EEFSEC: variants seen among roughly 807,000 people sequenced by gnomAD.
The protein encoded by EEFSEC is eukaryotic elongation factor, selenocysteine-tRNA specific.
Under a neutral mutation model 42.1 loss-of-function variants are expected in EEFSEC, and 43 were observed. The observed-to-expected ratio is 1.02, with a 90% CI of 0.80 to 1.32. The LOEUF (loss-of-function observed/expected upper bound fraction) is 1.32, where lower values mean the gene tolerates loss of function less well. Ranked by LOEUF, EEFSEC falls within the 40% of genes most tolerant of loss-of-function variation. EEFSEC has a pLI of 0.00. For missense variants in EEFSEC, 745 were observed against 803.6 expected, an observed-to-expected ratio of 0.93 and a Z score of 0.88; for synonymous variants, 354 against 339.1, an observed-to-expected ratio of 1.04 and a Z score of -0.48.
chr3:128,245,361 G>A (rs2066116318), intron 1 of EEFSEC, among the ~76,000 whole-genome samples: 1 of 152,230 alleles, frequency 6.6e-6, no homozygotes, highest in African/African-American at 2.4e-5. Flanking sequence ...AGATGATAGA[G>A]TCAGTGTCCA....
intron 1 of EEFSEC, among the ~76,000 whole-genome samples, chr3:128,187,039 A>G (rs115717667): frequency 6.6e-6 from 1 of 152,332 alleles, no homozygotes; most frequent in African/African-American, 2.4e-5. Context: ...CAGACTGATA[A>G]TGCCATTACA....
intron 6 of EEFSEC, among the ~76,000 whole-genome samples, chr3:128,393,953 G>A (rs78268957): frequency 1.1e-4 from 17 of 152,054 alleles, no homozygotes; most frequent in Admixed American, 6.5e-4. Context: ...TGGGTGACAC[G>A]TGTGCAGCAG....
intron 6 of EEFSEC, among the ~76,000 whole-genome samples, chr3:128,407,549 C>T (rs1325929287): frequency 6.6e-6 from 1 of 152,168 alleles, no homozygotes; most frequent in Non-Finnish European, 1.5e-5. Flanking sequence ...GGGGTGAAGG[C>T]AGCCCAGGTC....
At chr3:128,341,022 T>G (rs368507354) in intron 4 of EEFSEC, among the ~76,000 whole-genome samples, 1 of 152,220 alleles carries the variant, frequency 6.6e-6, no homozygotes, top group Non-Finnish European at 1.5e-5. Context: ...GCCCTGGCCC[T>G]GCTTTGCTGG....
At chr3:128,275,006 T>C (rs752072161) in intron 4 of EEFSEC, among the ~76,000 whole-genome samples, 1 of 152,212 alleles carries the variant, frequency 6.6e-6, no homozygotes, top group Non-Finnish European at 1.5e-5. Flanking sequence ...GGATGCGGGC[T>C]TGCTGGGCTT....
chr3:128,410,819 C>G (rs145815165), downstream of EEFSEC, among the ~76,000 whole-genome samples: 1 of 152,304 alleles, frequency 6.6e-6, no homozygotes, highest in East Asian at 1.9e-4. Context: ...TCCAGGAACT[C>G]TGTGCAGGCG....
the EEFSEC span, among the ~76,000 whole-genome samples, chr3:128,422,897 G>A: frequency 6.6e-6 from 1 of 152,212 alleles, no homozygotes; most frequent in African/African-American, 2.4e-5. Flanking sequence ...ACTGGGTAAT[G>A]AAGAGGTCAT....
chr3:128,350,777 C>T (rs1290572323), intron 5 of EEFSEC, among the ~76,000 whole-genome samples: 1 of 152,144 alleles, frequency 6.6e-6, no homozygotes, highest in African/African-American at 2.4e-5. Context: ...AGTCACTCTC[C>T]CCCAGAACCT....
chr3:128,421,362 G>T, the EEFSEC span, among the ~76,000 whole-genome samples: 5,203 of 152,276 alleles, frequency 0.034, 139 homozygotes, highest in South Asian at 0.071. Context: ...TGAACAGGGG[G>T]GTCAGGAGGA....
intron 6 of EEFSEC, among the ~76,000 whole-genome samples, chr3:128,387,157 C>T (rs1299705402): frequency 6.6e-6 from 1 of 152,182 alleles, no homozygotes; most frequent in Non-Finnish European, 1.5e-5. Context: ...TGGTACTGCA[C>T]CTGGCCGCAG....
At chr3:128,189,547 C>T (rs1291967835) in intron 1 of EEFSEC, among the ~76,000 whole-genome samples, 2 of 148,404 alleles carry the variant, frequency 1.3e-5, no homozygotes, top group African/African-American at 5.0e-5. Flanking sequence ...TGTACTCCTT[C>T]GACTTCTTTT....
At chr3:128,259,577 A>G (rs1284080695) in intron 2 of EEFSEC, among the ~76,000 whole-genome samples, 1 of 152,226 alleles carries the variant, frequency 6.6e-6, no homozygotes, top group Admixed American at 6.5e-5. Context: ...TTGTACAGCC[A>G]TCACCACTAT....
At chr3:128,280,791 G>A (rs951040730) in intron 4 of EEFSEC, among the ~76,000 whole-genome samples, 7 of 152,102 alleles carry the variant, frequency 4.6e-5, no homozygotes, top group Non-Finnish European at 1.0e-4. Context: ...TTCACTAGCC[G>A]CCCTGCATGA....
intron 4 of EEFSEC, among the ~76,000 whole-genome samples, chr3:128,293,685 A>AAAAAAAAAAAAAAC (rs2066672404): frequency 6.7e-6 from 1 of 149,906 alleles, no homozygotes; most frequent in African/African-American, 2.5e-5. Flanking sequence ...AAAAAAAAAA[A>AAAAAAAAAAAAAAC]AACTTCCCTT....
intron 1 of EEFSEC, among the ~76,000 whole-genome samples, chr3:128,200,225 C>T (rs1199777317): frequency 6.6e-6 from 1 of 152,206 alleles, no homozygotes; most frequent in Non-Finnish European, 1.5e-5. Flanking sequence ...TGTCCGTCTG[C>T]TATGAGCCAG....
At chr3:128,157,184 G>C (rs911817606) in intron 1 of EEFSEC, among the ~76,000 whole-genome samples, 1 of 152,210 alleles carries the variant, frequency 6.6e-6, no homozygotes, top group Non-Finnish European at 1.5e-5. Flanking sequence ...CCAGAGCAAG[G>C]CCCTAACTCT....
chr3:128,405,017 C>CT (rs397794836), intron 6 of EEFSEC, among the ~76,000 whole-genome samples: 18,147 of 140,396 alleles, frequency 0.13, 1,366 homozygotes, highest in East Asian at 0.34. Flanking sequence ...ACCCTTGTCA[C>CT]TTTTTTTTTT....
chr3:128,350,993 G>A (rs558769651), intron 5 of EEFSEC, among the ~76,000 whole-genome samples: 1 of 152,314 alleles, frequency 6.6e-6, no homozygotes, highest in African/African-American at 2.4e-5. Context: ...TGGCCTAGAA[G>A]AGTTAACACC....
chr3:128,164,253 C>T (rs549085286), intron 1 of EEFSEC, among the ~76,000 whole-genome samples: 1 of 152,326 alleles, frequency 6.6e-6, no homozygotes, highest in South Asian at 2.1e-4. Flanking sequence ...GATACACAGT[C>T]GTGCCTGTGT....
Sources: allele counts gnomAD v4.1 joint callset (sites outside exome capture counted in the v4.1 genomes callset), GRCh38; gene constraint gnomAD v4.1.1; transcripts MANE v1.5; gene names NCBI Gene and HGNC (gene_info 2026-07-23, HGNC 2026-07-21).